The following LRMDA variants were observed in gnomAD, a reference collection of about 807,000 sequenced individuals.
LRMDA encodes leucine-rich melanocyte differentiation-associated protein.
In LRMDA, 18 loss-of-function variants were observed where a neutral mutation model predicts 29.8. That is an observed-to-expected ratio of 0.60 (90% CI 0.42 to 0.90). The LOEUF (loss-of-function observed/expected upper bound fraction) is 0.90. LRMDA is among the 40% of genes least tolerant of loss of function. LRMDA has a pLI of 0.00. For missense variants in LRMDA, 273 were observed against 273.9 expected (o/e 1.00, Z 0.02); for synonymous variants, 125 against 109.4 (o/e 1.14, Z -0.89).
chr10:76,423,979 A>C (rs987729280), intron 6 of LRMDA, among the ~76,000 whole-genome samples: 2 of 152,194 alleles, frequency 1.3e-5, no homozygotes, highest in African/African-American at 4.8e-5. Flanking sequence ...CTAGAGGGCC[A>C]GAGGGGCTCC....
At chr10:75,501,526 G>A (rs955209567) in intron 2 of LRMDA, among the ~76,000 whole-genome samples, 1 of 152,166 alleles carries the variant, frequency 6.6e-6, no homozygotes, top group Non-Finnish European at 1.5e-5. Context: ...CGTGGAATGA[G>A]GTCATCTTGT....
At chr10:75,944,126 C>T (rs1846439697) in intron 2 of LRMDA, among the ~76,000 whole-genome samples, 1 of 151,894 alleles carries the variant, frequency 6.6e-6, no homozygotes, top group South Asian at 2.1e-4. Context: ...TGTTTTTGTC[C>T]ATCCAAAGTT....
At chr10:76,513,784 G>T (rs139537306) in intron 6 of LRMDA, among the ~76,000 whole-genome samples, 58 of 152,248 alleles carry the variant, frequency 3.8e-4, no homozygotes, top group African/African-American at 1.3e-3. Context: ...TAACTTTGAG[G>T]ATCAGGTTTT....
intron 6 of LRMDA, among the ~76,000 whole-genome samples, chr10:76,556,122 G>C (rs1843553901): frequency 6.6e-6 from 1 of 152,114 alleles, no homozygotes. Context: ...AATAAATAAT[G>C]AGTTGATTAA....
At chr10:75,562,618 C>A (rs1840313395) in intron 2 of LRMDA, among the ~76,000 whole-genome samples, 1 of 152,096 alleles carries the variant, frequency 6.6e-6, no homozygotes, top group African/African-American at 2.4e-5. Context: ...CAGTTTCTTC[C>A]TAGCCTCGAT....
At chr10:75,714,665 G>A (rs541146573) in intron 2 of LRMDA, among the ~76,000 whole-genome samples, 1 of 152,258 alleles carries the variant, frequency 6.6e-6, no homozygotes, top group African/African-American at 2.4e-5. Flanking sequence ...TGGGCATTTA[G>A]GCTACTTAAA....
chr10:76,134,762 TTATAA>T (rs1589342926), intron 5 of LRMDA, among the ~76,000 whole-genome samples: 1 of 152,174 alleles, frequency 6.6e-6, no homozygotes, highest in Non-Finnish European at 1.5e-5. Context: ...AACTTCAACC[TTATAA>T]TATAATAGGA....
chr10:75,891,557 G>T (rs571415543), intron 2 of LRMDA, among the ~76,000 whole-genome samples: 1 of 152,328 alleles, frequency 6.6e-6, no homozygotes, highest in African/African-American at 2.4e-5. Flanking sequence ...CAAAGGCTGG[G>T]TCATGGGTGA....
intron 5 of LRMDA, among the ~76,000 whole-genome samples, chr10:76,148,152 A>G (rs898341320): frequency 1.3e-5 from 2 of 152,194 alleles, no homozygotes; most frequent in African/African-American, 4.8e-5. Flanking sequence ...TTGAGGAGGC[A>G]GTCTGTCTGT....
intron 2 of LRMDA, among the ~76,000 whole-genome samples, chr10:75,676,359 A>G (rs2132148369): frequency 6.6e-6 from 1 of 152,338 alleles, no homozygotes; most frequent in African/African-American, 2.4e-5. Context: ...AAACTAAACG[A>G]TAGTTTGGAT....
At chr10:75,998,897 A>AG (rs1383992290) in intron 2 of LRMDA, among the ~76,000 whole-genome samples, 1 of 152,224 alleles carries the variant, frequency 6.6e-6, no homozygotes, top group Non-Finnish European at 1.5e-5. Context: ...CCCTCCCCAA[A>AG]GCTATAGAAC....
At chr10:75,520,988 C>G (rs1298028088) in intron 2 of LRMDA, among the ~76,000 whole-genome samples, 12 of 152,108 alleles carry the variant, frequency 7.9e-5, no homozygotes, top group Non-Finnish European at 1.2e-4. Context: ...TACTCCAGAC[C>G]CTGTTTACCT....
chr10:75,758,589 ATGT>A (rs1475272010), intron 2 of LRMDA, among the ~76,000 whole-genome samples: 1 of 152,200 alleles, frequency 6.6e-6, no homozygotes, highest in Non-Finnish European at 1.5e-5. Flanking sequence ...GGCAGGAGCT[ATGT>A]TGTTACTCCA....
intron 6 of LRMDA, among the ~76,000 whole-genome samples, chr10:76,455,867 A>G (rs1278057662): frequency 6.6e-6 from 1 of 152,148 alleles, no homozygotes; most frequent in African/African-American, 2.4e-5. Flanking sequence ...CAAGGGATAT[A>G]TCCTGTTGTT....
Position 75,868,910 on chromosome 10 carries a change from C to A in LRMDA, c.132-167098C>A, listed in dbSNP as rs543056689. Among the ~76,000 whole-genome samples the A allele has an allele frequency of 1.3e-4, 20 of 152,286 alleles. No individual in the cohort carries two copies. The South Asian group carries it at 2.9e-3, about 22-fold the overall frequency. On this transcript the variant is annotated intron_variant, in intron 2 of 6. Coordinates refer to ENST00000611255, the MANE Select transcript of LRMDA (RefSeq NM_001305581.2). ...GGCTTGACCCCACCCCTGGCACACA[C>A]CTTATAGAAAGGACATCCTGTCCTC...
intron 5 of LRMDA, among the ~76,000 whole-genome samples, chr10:76,263,168 C>G (rs537569793): frequency 6.6e-6 from 1 of 152,064 alleles, no homozygotes; most frequent in Non-Finnish European, 1.5e-5. Flanking sequence ...CTTGGGTCAC[C>G]TTTTCATCTC....
chr10:76,114,744 C>T lies in LRMDA; in HGVS notation c.516+55961C>T, dbSNP rs182098476. ...GATGTTGATAAAATATTTGTTCTTT[C>T]CTGGCTCTGAGGGCAAATATTATCT... On this transcript the variant is annotated intron_variant, in intron 5 of 6. Coordinates refer to ENST00000611255, the MANE Select transcript of LRMDA (RefSeq NM_001305581.2). 4.1e-4 allele frequency among the ~76,000 whole-genome samples: 62 copies of T among 152,312 alleles called. No homozygotes were observed. The East Asian group carries it at 0.011, about 27-fold the overall frequency.
At chr10:76,445,045 C>G (rs114219801) in intron 6 of LRMDA, among the ~76,000 whole-genome samples, 2,717 of 152,120 alleles carry the variant, frequency 0.018, 86 homozygotes, top group African/African-American at 0.061. Context: ...AAGCGCGGTG[C>G]AAAGCACTGT....
chr10:75,571,603 T>C (rs1840438548), intron 2 of LRMDA, among the ~76,000 whole-genome samples: 1 of 152,216 alleles, frequency 6.6e-6, no homozygotes, highest in Non-Finnish European at 1.5e-5. Context: ...CATGGGCACG[T>C]AACACTGTTT....
Sources: gnomAD v4.1 joint callset for allele counts (sites outside exome capture counted in the v4.1 genomes callset) on GRCh38, gnomAD v4.1.1 for gene constraint, MANE v1.5 for transcripts, NCBI Gene and HGNC (gene_info 2026-07-23, HGNC 2026-07-21) for gene names.